Variants in EXPH5 observed in about 807,000 individuals in gnomAD.
EXPH5 encodes exophilin-5.
A neutral mutation model predicts 41.1 loss-of-function variants in EXPH5; 42 were observed. That is an observed-to-expected ratio of 1.02 (90% CI 0.80 to 1.32). The LOEUF is 1.32. EXPH5 is among the 40% of genes most tolerant of loss of function. The probability of loss-of-function intolerance (pLI) is 0.00; values close to 1 mark genes in which losing one functional copy is unlikely to be tolerated. For synonymous variants in EXPH5, 798 were observed against 833.5 expected (o/e 0.96, Z 0.73); for missense variants, 2,298 against 2,314.5 (o/e 0.99, Z 0.15).
chr11:108,551,133 A>G (rs2093962791), intron 1 of EXPH5, among the ~76,000 whole-genome samples: 1 of 152,172 alleles, frequency 6.6e-6, no homozygotes, highest in Admixed American at 6.5e-5. Flanking sequence ...GTCCTCATTT[A>G]CAGAGAGGAC....
intron 3 of EXPH5, 128 bp from the exon 4 acceptor site, chr11:108,528,312 A>G (rs1292699063): frequency 3.1e-6 from 2 of 640,036 alleles, no homozygotes; most frequent in Admixed American, 2.7e-5. Flanking sequence ...CACTGTAGAA[A>G]GATGTTTCTT....
chr11:108,571,412 C>T (rs1294866009), intron 1 of EXPH5, among the ~76,000 whole-genome samples: 1 of 152,148 alleles, frequency 6.6e-6, no homozygotes, highest in Non-Finnish European at 1.5e-5. Flanking sequence ...GGAAACAGAC[C>T]AGAGTGCAGA....
At chr11:108,526,414 C>T (rs1309214434) in intron 4 of EXPH5, among the ~76,000 whole-genome samples, 1 of 152,234 alleles carries the variant, frequency 6.6e-6, no homozygotes, top group Admixed American at 6.5e-5. Context: ...ATCCCCAAAA[C>T]TTCAAATTAG....
chr11:108,525,995 GCCT>G (rs1254559334), intron 4 of EXPH5, among the ~76,000 whole-genome samples: 1 of 147,868 alleles, frequency 6.8e-6, no homozygotes, highest in Non-Finnish European at 1.5e-5. Flanking sequence ...GCTCACTGCA[GCCT>G]CCAACTCCTG....
At chr11:108,561,845 A>G (rs2094013024) in intron 1 of EXPH5, among the ~76,000 whole-genome samples, 1 of 152,180 alleles carries the variant, frequency 6.6e-6, no homozygotes, top group Non-Finnish European at 1.5e-5. Context: ...GGAGGAAGCT[A>G]TGGGGCAGAG....
intron 1 of EXPH5, among the ~76,000 whole-genome samples, chr11:108,575,997 A>G (rs1353453975): frequency 6.6e-6 from 1 of 152,088 alleles, no homozygotes; most frequent in Admixed American, 6.5e-5. Flanking sequence ...ATAAAATGAC[A>G]TGGGGGTAAC....
At chr11:108,536,237 A>G (rs2093878850) in intron 3 of EXPH5, among the ~76,000 whole-genome samples, 1 of 151,910 alleles carries the variant, frequency 6.6e-6, no homozygotes, top group Non-Finnish European at 1.5e-5. Flanking sequence ...GTTTGAGAAG[A>G]GGAGCAAATC....
intron 1 of EXPH5, among the ~76,000 whole-genome samples, chr11:108,550,678 C>T (rs576325024): frequency 1.3e-5 from 2 of 152,162 alleles, no homozygotes; most frequent in African/African-American, 4.8e-5. Context: ...ACTCGGGAGG[C>T]TGAGGCAGGA....
At position 108,513,630 on chromosome 11, in the gene EXPH5, G is replaced by A; in HGVS notation, c.1877C>T (p.Ser626Leu). ...AATCTGGGAAAAGGAAGTTTTGAAT[G>A]AGGATGCTAGAGTCTGAGCAATTCC... is the stretch of plus-strand genomic sequence containing the variant. The part of the protein sequence containing the change: ...SFGIAQTLAS[S>L]FKTSFSQISD... Residue 626 changes from serine to leucine, a missense_variant, in exon 6 of 6, where the codon TCA (serine) becomes TTA (leucine). Coordinates refer to ENST00000265843, the MANE Select transcript of EXPH5 (RefSeq NM_015065.3). 1 of 1,612,522 alleles carries A rather than the reference G, an allele frequency of 6.2e-7. No homozygotes were observed. The highest frequency in any genetic ancestry group is 8.5e-7 in the Non-Finnish European group (1 of 1,179,366).
At chr11:108,518,480 C>G (rs1159883464) in intron 4 of EXPH5, 107 bp from the exon 5 acceptor site, 1 of 958,300 alleles carries the variant, frequency 1.0e-6, no homozygotes, top group African/African-American at 1.7e-5. Flanking sequence ...AGTCTAAGGA[C>G]TGCAAATCCA....
chr11:108,540,512 T>A (rs2846414), intron 2 of EXPH5, among the ~76,000 whole-genome samples: 26,369 of 152,034 alleles, frequency 0.17, 3,382 homozygotes, highest in East Asian at 0.61. Flanking sequence ...TTGCAAGATA[T>A]TATCAACATA....
At position 108,510,379 on chromosome 11, in the gene EXPH5, G is replaced by A. The variant is rs374841213; in HGVS notation, c.5128C>T (p.Pro1710Ser). ...TCTTTAGAATTCTCATGCTTTGATG[G>A]TGATTCTGAGACGTTTTTAAACTCA... ...QNEFKNVSES[P>S]SKHENSKDVT... Residue 1710 changes from proline (P) to serine (S), a missense_variant, in exon 6 of 6, where the codon CCA (proline) becomes TCA (serine). Pro to Ser is a moderately conservative substitution (Grantham distance 74). Transcript: ENST00000265843. 12 of 1,614,032 alleles carry A rather than the reference G, an allele frequency of 7.4e-6. No homozygotes were observed. Among genetic ancestry groups the A allele is most frequent in the Non-Finnish European group, 7.6e-6 (9 of 1,180,024 alleles).
At chr11:108,592,917 G>C (rs1195158434) in intron 1 of EXPH5, among the ~76,000 whole-genome samples, 1 of 152,260 alleles carries the variant, frequency 6.6e-6, no homozygotes, top group Non-Finnish European at 1.5e-5. Flanking sequence ...CTGACTGCCC[G>C]CATTGGGTGG....
intron 1 of EXPH5, among the ~76,000 whole-genome samples, chr11:108,577,840 A>AT: frequency 6.6e-6 from 1 of 152,150 alleles, no homozygotes; most frequent in East Asian, 1.9e-4. Context: ...ACTTGCATGT[A>AT]TTTTTTTGAG....
intron 1 of EXPH5, among the ~76,000 whole-genome samples, chr11:108,572,243 T>A (rs1422507522): frequency 6.6e-6 from 1 of 152,142 alleles, no homozygotes; most frequent in Non-Finnish European, 1.5e-5. Flanking sequence ...AAAAAGTGAT[T>A]CTTTACAGTT....
At chr11:108,517,020 G>A (rs1175456766) in intron 5 of EXPH5, among the ~76,000 whole-genome samples, 1 of 152,076 alleles carries the variant, frequency 6.6e-6, no homozygotes, top group African/African-American at 2.4e-5. Context: ...TCCCCTTAAA[G>A]TCTTGGTTGA....
chr11:108,516,803 A>C (rs1329065642), intron 5 of EXPH5, among the ~76,000 whole-genome samples: 1 of 152,220 alleles, frequency 6.6e-6, no homozygotes, highest in Admixed American at 6.5e-5. Context: ...TGAATGTTTT[A>C]GTGAAAAATA....
chr11:108,538,084 A>C (rs1591710666), intron 3 of EXPH5: 1 of 984,796 alleles, frequency 1.0e-6, no homozygotes, highest in East Asian at 1.1e-4. Context: ...GAAGTGAAAA[A>C]CCCTCCATTC....
chr11:108,588,313 G>A (rs376890526), intron 1 of EXPH5, among the ~76,000 whole-genome samples: 6 of 152,282 alleles, frequency 3.9e-5, no homozygotes, highest in South Asian at 2.1e-4. Context: ...TGACTACATA[G>A]AATTGTGTGT....
Sources: allele counts gnomAD v4.1 joint callset (sites outside exome capture counted in the v4.1 genomes callset), GRCh38; gene constraint gnomAD v4.1.1; transcripts MANE v1.5; gene names NCBI Gene and HGNC (gene_info 2026-07-23, HGNC 2026-07-21).